DHX37: variants seen among roughly 807,000 people sequenced by gnomAD.
DHX37 encodes the protein DEAH-box helicase 37, also known as probable ATP-dependent RNA helicase DHX37.
DHX37 carries 52 observed loss-of-function variants against 134.3 expected under a neutral mutation model. That is an observed-to-expected ratio of 0.39 (90% confidence interval 0.31 to 0.49). The LOEUF (loss-of-function observed/expected upper bound fraction) is 0.49, where lower values mean the gene tolerates loss of function less well. Among genes scored for constraint, DHX37 ranks in the 20% least tolerant of loss-of-function variants. DHX37 has a pLI of 0.93. For missense variants in DHX37, 1,344 were observed against 1,580.8 expected (o/e 0.85, Z 2.54); for synonymous variants, 634 against 670.7 (o/e 0.95, Z 0.85).
At chr12:124,964,816 C>T (rs922199913) in intron 14 of DHX37, 114 bp downstream of exon 14, 8 of 1,436,116 alleles carry the variant, frequency 5.6e-6, no homozygotes, top group Non-Finnish European at 7.5e-6. Context: ...TTCCTCAAAA[C>T]TCTGGGGATG....
intron 18 of DHX37, 98 bp from the exon 19 acceptor site, chr12:124,954,309 CCTTGTGGGGTCA>C: frequency 6.8e-7 from 1 of 1,479,584 alleles, no homozygotes; most frequent in Non-Finnish European, 9.0e-7. Context: ...GGCTCAGAGG[CCTTGTGGGGTCA>C]CTGATGAATG....
chr12:124,988,796 T>G, intron 1 of DHX37, 121 bp downstream of exon 1: 2 of 482,240 alleles, frequency 4.1e-6, no homozygotes, highest in Non-Finnish European at 7.0e-6. Context: ...GGGGGACCCA[T>G]TCCCCCATTC....
intron 2 of DHX37, among the ~76,000 whole-genome samples, chr12:124,983,874 G>A (rs1374724535): frequency 6.6e-6 from 1 of 151,986 alleles, no homozygotes; most frequent in Non-Finnish European, 1.5e-5. Flanking sequence ...GGCTGCTGGA[G>A]AGAGACCCTC....
rs1036179517 is a variant in DHX37, at chr12:124,950,259, C to T, written c.3122-16G>A. On this transcript the variant is annotated splice_polypyrimidine_tract_variant and intron_variant, in intron 23 of 26. Coordinates refer to ENST00000308736, the MANE Select transcript of DHX37 (RefSeq NM_032656.4). ...CCCACGCGATCTAGAAGGTGGGAGC[C>T]AGTGAGACAGGGACCCTCCTGCAGC... 5.6e-6 allele frequency: 9 copies of T among 1,613,280 alleles called. No homozygotes were observed. The highest frequency in any genetic ancestry group is 7.6e-6 in the Non-Finnish European group (9 of 1,179,906).
At chr12:124,967,965 C>T (rs577745927) in intron 10 of DHX37, among the ~76,000 whole-genome samples, 32 of 152,188 alleles carry the variant, frequency 2.1e-4, no homozygotes, top group Non-Finnish European at 4.3e-4. Flanking sequence ...CCTGTAATCC[C>T]AGCTACTTGG....
chr12:124,975,643 G>A lies in DHX37; in HGVS notation c.888-132C>T. 8 of 882,488 alleles carry A rather than the reference G, an allele frequency of 9.1e-6. 1 individual carries two copies. In the South Asian group the frequency reaches 1.3e-4, roughly 14 times the overall value. The allele number at this position is 882,488 out of a possible 1,614,324, so 54.7% of individuals were successfully genotyped here. A position where few individuals can be genotyped will look rare whatever the true frequency, so the allele number is the denominator to read the frequency against. On this transcript the variant is annotated intron_variant, in intron 5 of 26. Coordinates refer to ENST00000308736, the MANE Select transcript of DHX37 (RefSeq NM_032656.4). ...CCAGGGGCGGTGGGAAACAGTGCCA[G>A]GTTGCACTACTTTTAACAGCAAACG...
At chr12:124,983,477 T>G (rs1308011765) in intron 2 of DHX37, among the ~76,000 whole-genome samples, 1 of 151,202 alleles carries the variant, frequency 6.6e-6, no homozygotes, top group Admixed American at 6.6e-5. Context: ...GAAAGCACCC[T>G]AAATAGGATT....
intron 16 of DHX37, among the ~76,000 whole-genome samples, chr12:124,957,589 C>T (rs1179166861): frequency 2.0e-5 from 3 of 152,146 alleles, no homozygotes; most frequent in Non-Finnish European, 2.9e-5. Context: ...AGTTCGAGAC[C>T]AGCCTGACCA....
At chr12:124,962,820 T>C (rs1175128763) in intron 15 of DHX37, among the ~76,000 whole-genome samples, 2 of 151,150 alleles carry the variant, frequency 1.3e-5, no homozygotes, top group East Asian at 3.9e-4. Flanking sequence ...CTGGGTGACA[T>C]AGCGAGACTC....
At chr12:124,981,572 C>A (rs1565893852) in intron 3 of DHX37, among the ~76,000 whole-genome samples, 1 of 151,816 alleles carries the variant, frequency 6.6e-6, no homozygotes, top group Admixed American at 6.6e-5. Context: ...GTAGCTGAGA[C>A]CACAGGCATG....
chr12:124,947,687 C>T lies in DHX37; in HGVS notation c.*115G>A. Reference sequence around the variant, plus strand: ...ATGAGGGTTCCCAGGGCTTGACCCACTTCCTGAGAGCAGGCCACGAAGCCC... The same window carrying T: ...ATGAGGGTTCCCAGGGCTTGACCCATTTCCTGAGAGCAGGCCACGAAGCCC... On this transcript the variant is annotated 3_prime_UTR_variant, in exon 27 of 27. Transcript: ENST00000308736. 7.4e-7 allele frequency: 1 copy of T among 1,359,206 alleles called. No individual in the cohort carries two copies. Among genetic ancestry groups the T allele is most frequent in the Non-Finnish European group, 9.8e-7 (1 of 1,018,696 alleles). The allele number at this position is 1,359,206 out of a possible 1,614,324, so 84.2% of individuals were successfully genotyped here. A position where few individuals can be genotyped will look rare whatever the true frequency, so the allele number is the denominator to read the frequency against.
At chr12:124,987,987 CTTTTTTTT>C (rs11349687) in intron 1 of DHX37, among the ~76,000 whole-genome samples, 6 of 79,694 alleles carry the variant, frequency 7.5e-5, no homozygotes, top group African/African-American at 2.9e-4. Flanking sequence ...GTCTGTGGAA[CTTTTTTTT>C]TTTTTTTTTT....
At chr12:124,968,221 G>T (rs1954435733) in intron 10 of DHX37, among the ~76,000 whole-genome samples, 1 of 152,150 alleles carries the variant, frequency 6.6e-6, no homozygotes, top group Non-Finnish European at 1.5e-5. Context: ...GACTCTTGGG[G>T]GGATGTGCCC....
intron 15 of DHX37, among the ~76,000 whole-genome samples, chr12:124,961,127 T>A (rs1954231249): frequency 6.6e-6 from 1 of 152,228 alleles, no homozygotes; most frequent in Non-Finnish European, 1.5e-5. Flanking sequence ...ATAAAGCTAT[T>A]TATTACATAC....
rs1273451895 is a variant in DHX37, at chr12:124,953,987, C to T, written c.2588G>A (p.Gly863Glu). The change falls in exon 20 of 27, where the codon GGA becomes GAA. Residue 863 changes from glycine (G) to glutamate (E), a missense_variant. Coordinates refer to ENST00000308736, the MANE Select transcript of DHX37 (RefSeq NM_032656.4). ...TGTGCAGCTGGCATACTCACAGGCT[C>T]CCACGGCGCCTGGGGAACGAAGAGG... ...GDLMVLLGAV[G>E]ACEYASCTPQ... The T allele has an allele frequency of 6.8e-6, 11 of 1,613,494 alleles. No individual in the cohort carries two copies. Among genetic ancestry groups the T allele is most frequent in the East Asian group, 4.5e-5 (2 of 44,876 alleles).
At chr12:124,982,424 C>T in intron 3 of DHX37, 87 bp downstream of exon 3, 3 of 1,511,414 alleles carry the variant, frequency 2.0e-6, no homozygotes, top group Non-Finnish European at 1.8e-6. Flanking sequence ...CTCAAATGTT[C>T]CACCCCCAGA....
At chr12:124,963,385 A>C (rs1047525286) in intron 15 of DHX37, among the ~76,000 whole-genome samples, 1 of 152,172 alleles carries the variant, frequency 6.6e-6, no homozygotes, top group African/African-American at 2.4e-5. Flanking sequence ...TGCAGTGGTC[A>C]CGGGGTTTCT....
chr12:124,949,994 C>T lies in DHX37; in HGVS notation c.3282G>A (p.Thr1094=), dbSNP rs1398408582. 6 of 1,610,042 alleles carry T rather than the reference C, an allele frequency of 3.7e-6. No individual in the cohort carries two copies. The highest frequency in any genetic ancestry group is 2.2e-5 in the East Asian group (1 of 44,736). ...LLSSPGTMLK[T]WARLQPRTES... is the part of the protein sequence containing the mutation. ...CCCACCGAAGGCAGTACCTGGCCCA[C>T]GTCTTCAGCATGGTGCCGGGGCTGG... The change falls in exon 25 of 27, where the codon ACG becomes ACA. Residue 1094 remains threonine, a synonymous_variant. Coordinates refer to ENST00000308736, the MANE Select transcript of DHX37 (RefSeq NM_032656.4). This position sits in a 1 kb window ranked among gnomAD's most constrained non-coding sequence, Gnocchi z 4.0.
Position 124,966,897 on chromosome 12 carries a change from G to A in DHX37, c.1505-19C>T. On this transcript the variant is annotated intron_variant, in intron 11 of 26. Transcript: ENST00000308736. ...TCCTTTTCTGGGAGAGGGGCAGGTT[G>A]GGGAGAAAGGCGTCTGTGGCCGGCG... The A allele has an allele frequency of 6.2e-7, 1 of 1,614,232 alleles. No individual in the cohort carries two copies.
Sources: gnomAD v4.1 joint callset for allele counts (sites outside exome capture counted in the v4.1 genomes callset) on GRCh38, gnomAD v4.1.1 for gene constraint, Gnocchi (gnomAD v3.1) non-coding constraint, MANE v1.5 for transcripts, NCBI Gene and HGNC (gene_info 2026-07-23, HGNC 2026-07-21) for gene names.